TASOR: variants seen among roughly 807,000 people sequenced by gnomAD.
TASOR encodes the protein protein TASOR.
TASOR carries 53 observed loss-of-function variants against 178.6 expected under a neutral mutation model. The observed-to-expected ratio is 0.30, with a 90% CI of 0.24 to 0.37. The LOEUF (loss-of-function observed/expected upper bound fraction) is 0.37, where lower values mean the gene tolerates loss of function less well. Among genes scored for constraint, TASOR ranks in the 10% least tolerant of loss-of-function variants. The pLI is 1.00. For synonymous variants in TASOR, 713 were observed against 696.2 expected (o/e 1.02, Z -0.38); for missense variants, 1,815 against 1,971.4 (o/e 0.92, Z 1.50).
chr3:56,651,431 A>G (rs920089608), intron 11 of TASOR, among the ~76,000 whole-genome samples: 1 of 152,180 alleles, frequency 6.6e-6, no homozygotes, highest in African/African-American at 2.4e-5. Context: ...GCAGTGGCTC[A>G]TGCCTGTAAT....
At chr3:56,672,138 C>G (rs1030020739) in intron 2 of TASOR, among the ~76,000 whole-genome samples, 6 of 152,156 alleles carry the variant, frequency 3.9e-5, no homozygotes, top group Admixed American at 3.3e-4. Flanking sequence ...ATAAGATGTG[C>G]TCCATACATA....
Position 56,682,773 on chromosome 3 carries a change from A to C in TASOR, c.234T>G (p.Ser78=). The change falls in exon 1 of 24, where the codon TCT becomes TCG. Residue 78 remains serine (S), a synonymous_variant. Transcript: ENST00000683822. ...TGGGCAGGGCGGCCGCGCCCGCCTC[A>C]GAGGAGTCCTGAGGCTGCTCGTGGC... The part of the protein sequence containing the change: ...SLSHEQPQDS[S]EAGAAALPRG... The C allele has an allele frequency of 1.3e-6, 2 of 1,549,428 alleles. No homozygotes were observed. The highest frequency in any genetic ancestry group is 1.7e-6 in the Non-Finnish European group (2 of 1,145,738).
rs1406922514 is a variant in TASOR at position 56,673,680 on chromosome 3, A to G, written c.377T>C (p.Val126Ala). 3 of 1,550,438 alleles carry G rather than the reference A, an allele frequency of 1.9e-6. No homozygotes were observed. The highest frequency in any genetic ancestry group is 2.0e-5 in the Admixed American group (1 of 50,806). ...GTAAGAAGAATGGAGAATATTTACA[A>G]CATCTTCAAATTCTCGAGAGCCTGG... is the stretch of plus-strand genomic sequence containing the variant. ...LTPGSREFED[V>A]VNILHSSYLE... The change falls in exon 2 of 24, where the codon GTT becomes GCT. Residue 126 changes from valine (V) to alanine (A), a missense_variant. Physicochemically the swap from Val to Ala is moderately conservative, Grantham distance 64. Transcript: ENST00000683822.
chr3:56,674,134 T>C (rs938217055), intron 1 of TASOR, among the ~76,000 whole-genome samples: 1 of 135,938 alleles, frequency 7.4e-6, no homozygotes, highest in Non-Finnish European at 1.5e-5. Context: ...TATGAGACCA[T>C]AAAAGCATTT....
chr3:56,652,615 C>T (rs888141339), intron 11 of TASOR, among the ~76,000 whole-genome samples: 1 of 151,698 alleles, frequency 6.6e-6, no homozygotes, highest in Middle Eastern at 3.2e-3. Flanking sequence ...TTTTATTTCA[C>T]TTAAAAAATA....
At chr3:56,648,546 A>C in intron 13 of TASOR, among the ~76,000 whole-genome samples, 1 of 149,546 alleles carries the variant, frequency 6.7e-6, no homozygotes, top group Middle Eastern at 3.2e-3. Flanking sequence ...CAGGAGAATC[A>C]CTTGAACCTG....
chr3:56,673,647 G>C lies in TASOR; in HGVS notation c.410C>G (p.Pro137Arg). ...GTAGTTAAAATTTGTTACTGAGGTT[G>C]GTTCAAGGTAAGAAGAATGGAGAAT... ...VNILHSSYLE[P>R]TSVTNFNYRR... Residue 137 changes from proline to arginine, a missense_variant, in exon 2 of 24, where the codon CCA becomes CGA. Around this residue, in one of 5 missense-constraint regions of TASOR, gnomAD observed 244 missense variants for 202.7 expected, o/e 1.20. Transcript: ENST00000683822. 1 of 1,551,130 alleles carries C rather than the reference G, an allele frequency of 6.4e-7. No homozygotes were observed.
chr3:56,625,960 C>T (rs546703126), intron 21 of TASOR, among the ~76,000 whole-genome samples: 204 of 152,176 alleles, frequency 1.3e-3, no homozygotes, highest in Admixed American at 2.2e-3. Context: ...GACAAGGCAA[C>T]AAGTGGAGAT....
At chr3:56,682,049 T>C (rs2031838826) in intron 1 of TASOR, among the ~76,000 whole-genome samples, 1 of 152,168 alleles carries the variant, frequency 6.6e-6, no homozygotes. Context: ...AGTTCGAATT[T>C]AAAGAGAGAA....
chr3:56,621,571 C>T lies in TASOR; in HGVS notation c.*1466G>A. The stretch of plus-strand genomic sequence containing the variant: ...GCAAAAGGAGTTGGAAAGTAGTCTC[C>T]TGCCTTTAGCTGAAAATCAAGAAGA... On this transcript the variant is annotated 3_prime_UTR_variant, in exon 24 of 24. Transcript: ENST00000683822. The T allele has an allele frequency of 6.2e-7, 1 of 1,602,244 alleles. No individual in the cohort carries two copies. Among genetic ancestry groups the T allele is most frequent in the South Asian group, 1.1e-5 (1 of 88,596 alleles).
intron 17 of TASOR, 132 bp from the exon 18 acceptor site, chr3:56,634,098 A>C: frequency 1.3e-6 from 1 of 747,718 alleles, no homozygotes; most frequent in Non-Finnish European, 2.1e-6. Context: ...GTAAAATAAA[A>C]TCCTAAAATT....
At chr3:56,663,816 C>A in intron 7 of TASOR, 1 of 1,006,912 alleles carries the variant, frequency 9.9e-7, no homozygotes, top group Non-Finnish European at 1.2e-6. Context: ...TTGTTTTTTC[C>A]AAAAATATTA....
chr3:56,667,762 C>G (rs896727701), intron 6 of TASOR, among the ~76,000 whole-genome samples: 1 of 152,054 alleles, frequency 6.6e-6, no homozygotes, highest in Non-Finnish European at 1.5e-5. Flanking sequence ...ACAGGGAGAC[C>G]CCCATCTCTA....
At chr3:56,631,568 GTGTC>G (rs1458919826) in intron 18 of TASOR, among the ~76,000 whole-genome samples, 9 of 145,312 alleles carry the variant, frequency 6.2e-5, no homozygotes, top group Non-Finnish European at 1.0e-4. Flanking sequence ...GTGTGTGTGT[GTGTC>G]TGTGTTTTTT....
In TASOR at chr3:56,622,896, C is replaced by A; in HGVS notation, c.*141G>T. 1 of 475,256 alleles carries A rather than the reference C, an allele frequency of 2.1e-6. No homozygotes were observed. The highest frequency in any genetic ancestry group is 3.7e-6 in the Non-Finnish European group (1 of 271,900). The allele number at this position is 475,256 out of a possible 1,614,324, so 29.4% of individuals were successfully genotyped here. A position where few individuals can be genotyped will look rare whatever the true frequency, so the allele number is the denominator to read the frequency against. ...ATATATTTATTTCAATTTTTAGATG[C>A]TTCAACTGTTACAGGCCATCATGAT... On this transcript the variant is annotated 3_prime_UTR_variant, in exon 24 of 24. Coordinates refer to ENST00000683822, the MANE Select transcript of TASOR (RefSeq NM_001365635.2).
In TASOR at chr3:56,638,702, T is replaced by TC; in HGVS notation, c.2824+3dup. 2.5e-6 allele frequency: 4 copies of TC among 1,614,146 alleles called. No individual in the cohort carries two copies. The highest frequency in any genetic ancestry group is 3.4e-6 in the Non-Finnish European group (4 of 1,179,994). On this transcript the variant is annotated splice_donor_region_variant and intron_variant, in intron 17 of 23. Transcript: ENST00000683822. ...GGGAAGAAAAGCAAAGCAAGCCTTC[T>TC]CACCTGGTGTTTGTTTCTCACCATG...
At position 56,682,855 on chromosome 3, in the gene TASOR, G is replaced by A. The variant is rs575651158; in HGVS notation, c.152C>T (p.Pro51Leu). The change falls in exon 1 of 24, where the codon CCC becomes CTC. Residue 51 changes from proline to leucine, a missense_variant. Coordinates refer to ENST00000683822, the MANE Select transcript of TASOR (RefSeq NM_001365635.2). ...GGGGGLNIAEPSGGAGREENA... is the reference protein window; with the variant it reads ...GGGGGLNIAELSGGAGREENA... ...CTCCTCACGCCCAGCGCCGCCGCTG[G>A]GCTCAGCGATGTTGAGGCCGCCGCC... 54 of 1,550,366 alleles carry A rather than the reference G, an allele frequency of 3.5e-5. 1 individual carries two copies. The South Asian group carries it at 6.1e-4, about 17-fold the overall frequency.
intron 1 of TASOR, among the ~76,000 whole-genome samples, chr3:56,674,498 G>C (rs959511489): frequency 6.6e-6 from 1 of 152,058 alleles, no homozygotes; most frequent in Non-Finnish European, 1.5e-5. Context: ...GTGAGAGAGA[G>C]ACCCTGTCTC....
At chr3:56,679,375 T>C (rs540715412) in intron 1 of TASOR, among the ~76,000 whole-genome samples, 3 of 152,356 alleles carry the variant, frequency 2.0e-5, no homozygotes, top group East Asian at 3.9e-4. Context: ...CAAAGTTTTT[T>C]GGACTGAGGA....
Sources: allele counts gnomAD v4.1 joint callset (sites outside exome capture counted in the v4.1 genomes callset), GRCh38; gene constraint gnomAD v4.1.1; regional missense constraint gnomAD v4.1.1; transcripts MANE v1.5; gene names NCBI Gene and HGNC (gene_info 2026-07-23, HGNC 2026-07-21).